The following IL1RAP variants were observed in gnomAD, a reference collection of about 807,000 sequenced individuals.
The protein encoded by IL1RAP is interleukin 1 receptor accessory protein, also known as interleukin-1 receptor accessory protein.
Under a neutral mutation model 60.7 loss-of-function variants are expected in IL1RAP, and 35 were observed. The observed-to-expected ratio is 0.58, with a 90% CI of 0.44 to 0.76. The LOEUF is 0.76. IL1RAP is among the 30% of genes least tolerant of loss of function. The probability of loss-of-function intolerance (pLI) is 0.00; values close to 1 mark genes in which losing one functional copy is unlikely to be tolerated. For synonymous variants in IL1RAP, 268 were observed against 250.9 expected, an observed-to-expected ratio of 1.07 and a Z score of -0.64; for missense variants, 572 against 693.9, an observed-to-expected ratio of 0.82 and a Z score of 1.97.
At chr3:190,604,547 G>C in intron 4 of IL1RAP, 134 bp downstream of exon 4, 1 of 950,098 alleles carries the variant, frequency 1.1e-6, no homozygotes, top group Non-Finnish European at 1.5e-6. Context: ...ATTGTCTGCA[G>C]CTTAGCTGAA....
chr3:190,595,281 A>G (rs1729284546), intron 3 of IL1RAP, among the ~76,000 whole-genome samples: 1 of 152,176 alleles, frequency 6.6e-6, no homozygotes, highest in Non-Finnish European at 1.5e-5. Context: ...CTAGGTATCA[A>G]AGTCCGCCTT....
intron 3 of IL1RAP, 47 bp from the exon 4 acceptor site, chr3:190,604,081 T>G: frequency 6.4e-7 from 1 of 1,573,898 alleles, no homozygotes; most frequent in Non-Finnish European, 8.6e-7. Context: ...AGGCCTTTGT[T>G]GTAAAATGAC....
rs184968149 is a variant in IL1RAP at position 190,601,078 on chromosome 3, G to A, written c.65-3050G>A. ...CAGCTCACTGCAACCTCTGCCTCCC[G>A]GGTTCAAGCAAGTCTCCTGCCTCAG... On this transcript the variant is annotated intron_variant, in intron 3 of 11. Transcript: ENST00000447382. Among the ~76,000 whole-genome samples the A allele has an allele frequency of 1.6e-3, 239 of 152,180 alleles. 1 individual carries two copies. The highest frequency in any genetic ancestry group is 2.7e-3 in the Admixed American group (42 of 15,282).
At chr3:190,528,928 G>A (rs571971166) in intron 1 of IL1RAP, among the ~76,000 whole-genome samples, 1 of 152,328 alleles carries the variant, frequency 6.6e-6, no homozygotes, top group South Asian at 2.1e-4. Context: ...ATTTATCAGA[G>A]AGAGCTACAA....
At chr3:190,642,466 GTTCAAAGA>G (rs1733726932) in intron 9 of IL1RAP, 1 of 152,228 alleles carries the variant, frequency 6.6e-6, no homozygotes, top group African/African-American at 2.4e-5. Context: ...TCGTGATGGT[GTTCAAAGA>G]TCCCCGCACT....
exon 12 of IL1RAP, chr3:190,657,976 A>T (rs1560253065): frequency 6.6e-6 from 1 of 151,654 alleles, no homozygotes; most frequent in African/African-American, 2.4e-5. Flanking sequence ...AAACTCTTGA[A>T]CCTAGGAGGT....
At chr3:190,631,091 G>C (rs1732751101) in intron 9 of IL1RAP, among the ~76,000 whole-genome samples, 2 of 152,120 alleles carry the variant, frequency 1.3e-5, no homozygotes, top group African/African-American at 4.8e-5. Flanking sequence ...ACCCATTCAA[G>C]TATTTAATAT....
chr3:190,595,755 C>T (rs1040895086), intron 3 of IL1RAP, among the ~76,000 whole-genome samples: 10 of 152,134 alleles, frequency 6.6e-5, no homozygotes, highest in Admixed American at 1.3e-4. Flanking sequence ...CTCCACCCTC[C>T]GCCCTGTTTA....
intron 3 of IL1RAP, among the ~76,000 whole-genome samples, chr3:190,568,704 A>G (rs1726641012): frequency 6.6e-6 from 1 of 152,204 alleles, no homozygotes; most frequent in Non-Finnish European, 1.5e-5. Context: ...TTAACAAACA[A>G]TAGCAGCAGA....
intron 1 of IL1RAP, among the ~76,000 whole-genome samples, chr3:190,517,657 G>C (rs1721647542): frequency 6.6e-6 from 1 of 152,214 alleles, no homozygotes; most frequent in Admixed American, 6.5e-5. Context: ...TGCAAACGCA[G>C]ATGTAGAAGG....
chr3:190,518,532 G>A (rs1190444891), intron 1 of IL1RAP: 3 of 152,154 alleles, frequency 2.0e-5, no homozygotes, highest in Admixed American at 6.5e-5. Flanking sequence ...ATAGAGTTAC[G>A]TAGCATGGCC....
intron 1 of IL1RAP, among the ~76,000 whole-genome samples, chr3:190,546,717 A>G (rs1331648723): frequency 6.6e-6 from 1 of 152,208 alleles, no homozygotes; most frequent in Non-Finnish European, 1.5e-5. Flanking sequence ...CAGAGCCAGG[A>G]ATTGGTAATT....
intron 3 of IL1RAP, among the ~76,000 whole-genome samples, chr3:190,602,748 T>G (rs1729966997): frequency 6.6e-6 from 1 of 152,222 alleles, no homozygotes; most frequent in Non-Finnish European, 1.5e-5. Context: ...ATATATCCTT[T>G]CCAATTATAC....
chr3:190,579,045 C>A (rs969412952), intron 3 of IL1RAP, among the ~76,000 whole-genome samples: 8 of 152,206 alleles, frequency 5.3e-5, no homozygotes, highest in African/African-American at 1.9e-4. Flanking sequence ...CACCCTGATT[C>A]TTACCAACTT....
chr3:190,557,676 T>G (rs1560167444), intron 2 of IL1RAP, among the ~76,000 whole-genome samples: 2 of 152,170 alleles, frequency 1.3e-5, no homozygotes, highest in Non-Finnish European at 2.9e-5. Context: ...TCAAAGTAAA[T>G]GTTGAAAATA....
chr3:190,609,262 G>C, intron 5 of IL1RAP, 81 bp downstream of exon 5: 1 of 978,696 alleles, frequency 1.0e-6, no homozygotes, highest in Non-Finnish European at 1.5e-6. Context: ...ATATTTATAA[G>C]CAAAGGTGTT....
chr3:190,634,588 G>A (rs1322121580), intron 9 of IL1RAP, among the ~76,000 whole-genome samples: 1 of 151,954 alleles, frequency 6.6e-6, no homozygotes, highest in Non-Finnish European at 1.5e-5. Flanking sequence ...GGTTATGCTG[G>A]TCTCATTACA....
At chr3:190,638,128 A>AC (rs1174333788) in intron 9 of IL1RAP, among the ~76,000 whole-genome samples, 1 of 152,080 alleles carries the variant, frequency 6.6e-6, no homozygotes, top group African/African-American at 2.4e-5. Flanking sequence ...TTCTTAATGG[A>AC]CTACCGCTTT....
intron 5 of IL1RAP, among the ~76,000 whole-genome samples, chr3:190,617,562 A>G (rs903848917): frequency 1.1e-4 from 16 of 152,344 alleles, no homozygotes; most frequent in Non-Finnish European, 2.2e-4. Context: ...TTTATTGTGG[A>G]AATTCACTTA....
Sources: allele counts gnomAD v4.1 joint callset (sites outside exome capture counted in the v4.1 genomes callset), GRCh38; gene constraint gnomAD v4.1.1; transcripts MANE v1.5; gene names NCBI Gene and HGNC (gene_info 2026-07-23, HGNC 2026-07-21).